The following CTNNA2 variants were observed in gnomAD, a reference collection of about 807,000 sequenced individuals.
CTNNA2 encodes catenin alpha 2.
CTNNA2 carries 42 observed loss-of-function variants against 101.0 expected under a neutral mutation model. The observed-to-expected ratio is 0.42, with a 90% confidence interval of 0.32 to 0.54. CTNNA2 has a LOEUF of 0.54. Ranked by LOEUF, CTNNA2 falls within the 20% of genes least tolerant of loss-of-function variation. The pLI is 0.14. For missense variants in CTNNA2, 871 were observed against 1,223.1 expected (o/e 0.71, Z 4.29); for synonymous variants, 450 against 456.4 (o/e 0.99, Z 0.18).
intron 2 of CTNNA2, among the ~76,000 whole-genome samples, chr2:79,306,067 A>G (rs1399572857): frequency 6.6e-6 from 1 of 151,834 alleles, no homozygotes; most frequent in Non-Finnish European, 1.5e-5. Context: ...AAAAAAGGCA[A>G]TCTTGTCTTT....
At position 80,398,490 on chromosome 2, in the gene CTNNA2, A is replaced by T. The variant is rs192864157; in HGVS notation, c.1137+5199A>T. ...GTCAAGCTGCTGTGGAAACATGGAG[A>T]TCAGAAAATGATCATGCAGCAAATG... On this transcript the variant is annotated intron_variant, in intron 8 of 18. Transcript: ENST00000402739. Among the ~76,000 whole-genome samples, 9 of 152,182 alleles carry T rather than the reference A, an allele frequency of 5.9e-5. No homozygotes were observed. The East Asian group carries it at 1.8e-3, about 30-fold the overall frequency.
chr2:79,768,342 G>A (rs1308233394), intron 3 of CTNNA2, among the ~76,000 whole-genome samples: 2 of 151,054 alleles, frequency 1.3e-5, no homozygotes, highest in African/African-American at 4.8e-5. Context: ...TATGATTGAA[G>A]GAGGCACTGT....
chr2:80,544,971 C>A lies in CTNNA2; in HGVS notation c.1291-11C>A. On this transcript the variant is annotated splice_polypyrimidine_tract_variant and intron_variant, in intron 9 of 18. Coordinates refer to ENST00000402739, the MANE Select transcript of CTNNA2 (RefSeq NM_001282597.3). ...CCAACCTAATATTCACTAAAATCCT[C>A]TTCAATACAGGTTGCCAATTTGGCC... 6.2e-7 allele frequency: 1 copy of A among 1,613,072 alleles called. No individual in the cohort carries two copies. The highest frequency in any genetic ancestry group is 8.5e-7 in the Non-Finnish European group (1 of 1,179,298).
At chr2:79,558,720 A>G (rs1303799532) in intron 1 of CTNNA2, among the ~76,000 whole-genome samples, 4 of 152,104 alleles carry the variant, frequency 2.6e-5, no homozygotes, top group Non-Finnish European at 5.9e-5. Context: ...TTTTAAAGTA[A>G]GTATGAGCCC....
intron 7 of CTNNA2, among the ~76,000 whole-genome samples, chr2:80,068,467 T>G (rs1432594422): frequency 3.3e-5 from 5 of 152,342 alleles, no homozygotes; most frequent in Admixed American, 6.5e-5. Flanking sequence ...GAAATATAAT[T>G]GCAACTCCTT....
Position 80,520,579 on chromosome 2 carries a change from T to C in CTNNA2, c.1291-24403T>C, listed in dbSNP as rs561955008. Among the ~76,000 whole-genome samples, 3 of 152,280 alleles carry C rather than the reference T, an allele frequency of 2.0e-5. 1 individual carries two copies. The highest frequency in any genetic ancestry group is 7.2e-5 in the African/African-American group (3 of 41,562). On this transcript the variant is annotated intron_variant, in intron 9 of 18. Transcript: ENST00000402739. Reference sequence around the variant, plus strand: ...TTTTCCGGAGTTGCAGGTGGCTAACTCCTTACTGTATCCTCACCTTGCAGA... The same window carrying C: ...TTTTCCGGAGTTGCAGGTGGCTAACCCCTTACTGTATCCTCACCTTGCAGA...
chr2:80,211,620 C>A (rs556570045), intron 7 of CTNNA2, among the ~76,000 whole-genome samples: 172 of 152,218 alleles, frequency 1.1e-3, no homozygotes, highest in African/African-American at 4.1e-3. Context: ...GTTACTGTAG[C>A]CTTGTAGTAT....
At chr2:79,305,294 G>A (rs548828019) in intron 2 of CTNNA2, among the ~76,000 whole-genome samples, 9 of 147,882 alleles carry the variant, frequency 6.1e-5, no homozygotes, top group African/African-American at 2.2e-4. Flanking sequence ...ACGTGTGTGT[G>A]TATATATATA....
At chr2:80,474,489 C>T (rs1256928991) in intron 9 of CTNNA2, among the ~76,000 whole-genome samples, 1 of 152,124 alleles carries the variant, frequency 6.6e-6, no homozygotes, top group Non-Finnish European at 1.5e-5. Context: ...TTGGGCAGTT[C>T]CTGGTTTAGA....
At chr2:80,325,423 T>G (rs1204730556) in intron 7 of CTNNA2, among the ~76,000 whole-genome samples, 1 of 152,198 alleles carries the variant, frequency 6.6e-6, no homozygotes, top group Non-Finnish European at 1.5e-5. Context: ...AGTCTCCACT[T>G]TTGGTCTTGG....
chr2:79,511,543 G>A (rs760967483), upstream of CTNNA2, among the ~76,000 whole-genome samples: 1 of 152,134 alleles, frequency 6.6e-6, no homozygotes, highest in Non-Finnish European at 1.5e-5. Context: ...CTGAAACATG[G>A]TTGCGTGCTA....
At chr2:79,780,367 T>C (rs75085053) in intron 3 of CTNNA2, among the ~76,000 whole-genome samples, 8,769 of 152,290 alleles carry the variant, frequency 0.058, 837 homozygotes, top group African/African-American at 0.2. Context: ...GTTTGACTCT[T>C]TTTGTGAACA....
intron 7 of CTNNA2, among the ~76,000 whole-genome samples, chr2:79,997,423 G>A (rs1692634599): frequency 6.6e-6 from 1 of 151,958 alleles, no homozygotes; most frequent in Admixed American, 6.6e-5. Context: ...AGAGGAAAAA[G>A]GAGAAAAGAG....
intron 6 of CTNNA2, among the ~76,000 whole-genome samples, chr2:79,889,726 G>T (rs1331073935): frequency 1.3e-5 from 2 of 152,102 alleles, no homozygotes; most frequent in African/African-American, 4.8e-5. Flanking sequence ...AGACGTGTTG[G>T]CCAGACATCT....
In CTNNA2 at chr2:80,511,737, G is replaced by C. The variant is rs888918916; in HGVS notation, c.1291-33245G>C. 4.6e-5 allele frequency among the ~76,000 whole-genome samples: 7 copies of C among 152,100 alleles called. 1 individual carries two copies. Among genetic ancestry groups the C allele is most frequent in the Non-Finnish European group, 8.8e-5 (6 of 68,034 alleles). On this transcript the variant is annotated intron_variant, in intron 9 of 18. Coordinates refer to ENST00000402739, the MANE Select transcript of CTNNA2 (RefSeq NM_001282597.3). Reference sequence around the variant, plus strand: ...TAAAAATTACAGAATTGTGTCCAAGGTCAAATTTAATAGTGATAGGATATT... The same window carrying C: ...TAAAAATTACAGAATTGTGTCCAAGCTCAAATTTAATAGTGATAGGATATT...
At chr2:80,090,156 G>C (rs879333305) in intron 7 of CTNNA2, among the ~76,000 whole-genome samples, 3,936 of 66,888 alleles carry the variant, frequency 0.059, 66 homozygotes, top group African/African-American at 0.11. Context: ...CTGTGTGTGT[G>C]TGTGTGTGTG....
chr2:80,053,112 G>T (rs1696985745), intron 7 of CTNNA2, among the ~76,000 whole-genome samples: 1 of 151,988 alleles, frequency 6.6e-6, no homozygotes, highest in South Asian at 2.1e-4. Context: ...CATTCAATTT[G>T]TTACCACAGA....
intron 7 of CTNNA2, among the ~76,000 whole-genome samples, chr2:80,380,987 C>T (rs1676461775): frequency 6.6e-6 from 1 of 152,102 alleles, no homozygotes; most frequent in African/African-American, 2.4e-5. Context: ...TGTCATGCTA[C>T]AAAAATTCCA....
At chr2:79,571,915 G>A (rs1675482119) in intron 1 of CTNNA2, among the ~76,000 whole-genome samples, 1 of 151,914 alleles carries the variant, frequency 6.6e-6, no homozygotes, top group Non-Finnish European at 1.5e-5. Context: ...GAAGACCCTA[G>A]TCAGTCCTTC....
Sources: allele counts gnomAD v4.1 joint callset (sites outside exome capture counted in the v4.1 genomes callset), GRCh38; gene constraint gnomAD v4.1.1; transcripts MANE v1.5; gene names NCBI Gene and HGNC (gene_info 2026-07-23, HGNC 2026-07-21).